The following APBB2 variants were observed in gnomAD, a reference collection of about 807,000 sequenced individuals.
APBB2 encodes the protein amyloid beta precursor protein binding family B member 2, also known as Fe65-like 1.
A neutral mutation model predicts 82.5 loss-of-function variants in APBB2; 38 were observed. The ratio of observed to expected loss-of-function variants is 0.46; its 90% CI spans 0.36 to 0.60. The LOEUF (loss-of-function observed/expected upper bound fraction) is 0.60. Ranked by LOEUF, APBB2 falls within the 20% of genes least tolerant of loss-of-function variation. APBB2 has a pLI of 0.00. For missense variants in APBB2, 772 were observed against 972.3 expected (o/e 0.79, Z 2.74); for synonymous variants, 341 against 368.2 (o/e 0.93, Z 0.85).
At chr4:40,960,079 T>C (rs935713185) in intron 6 of APBB2, among the ~76,000 whole-genome samples, 9 of 152,142 alleles carry the variant, frequency 5.9e-5, no homozygotes, top group African/African-American at 1.9e-4. Flanking sequence ...CGGAGGTAAA[T>C]TGTTCAGCCT....
intron 12 of APBB2, among the ~76,000 whole-genome samples, chr4:40,873,067 G>A (rs1357296884): frequency 7.0e-6 from 1 of 142,016 alleles, no homozygotes; most frequent in Non-Finnish European, 1.5e-5. Flanking sequence ...CAGCCTGGGC[G>A]ACAGAGTGAG....
At chr4:41,173,502 G>A (rs1023934989) in intron 1 of APBB2, among the ~76,000 whole-genome samples, 1 of 152,158 alleles carries the variant, frequency 6.6e-6, no homozygotes, top group African/African-American at 2.4e-5. Flanking sequence ...CTTCAGAGAA[G>A]TACCTGGCTG....
intron 17 of APBB2, among the ~76,000 whole-genome samples, chr4:40,820,777 C>G (rs1354865726): frequency 6.6e-6 from 1 of 152,208 alleles, no homozygotes; most frequent in Non-Finnish European, 1.5e-5. Flanking sequence ...CCGCCATGAT[C>G]TGGACCGCAC....
chr4:41,188,678 T>C (rs1047612979), intron 1 of APBB2, among the ~76,000 whole-genome samples: 2 of 152,190 alleles, frequency 1.3e-5, no homozygotes, highest in Non-Finnish European at 2.9e-5. Flanking sequence ...CTGAACAGAC[T>C]AAAACAGTGC....
chr4:41,151,824 T>C (rs958389165), intron 1 of APBB2, among the ~76,000 whole-genome samples: 1 of 152,038 alleles, frequency 6.6e-6, no homozygotes, highest in Non-Finnish European at 1.5e-5. Flanking sequence ...TATGAATTTT[T>C]TTATTTATAT....
chr4:40,820,102 T>C (rs1747303585), intron 17 of APBB2, among the ~76,000 whole-genome samples: 1 of 152,250 alleles, frequency 6.6e-6, no homozygotes, highest in South Asian at 2.1e-4. Context: ...TCATGCTGAA[T>C]GCCCCAGATT....
At chr4:41,023,070 A>T (rs1203925023) in intron 5 of APBB2, among the ~76,000 whole-genome samples, 1 of 151,616 alleles carries the variant, frequency 6.6e-6, no homozygotes, top group East Asian at 1.9e-4. Context: ...TTCTTACTCA[A>T]CTCTACCGTG....
intron 12 of APBB2, among the ~76,000 whole-genome samples, chr4:40,839,755 C>G (rs62303796): frequency 0.19 from 29,538 of 151,714 alleles, 3,063 homozygotes; most frequent in Admixed American, 0.25. Context: ...ACCTCTGCCT[C>G]CCAGGTTCAA....
At chr4:40,982,786 CA>C (rs3058140) in intron 6 of APBB2, among the ~76,000 whole-genome samples, 14,344 of 145,910 alleles carry the variant, frequency 0.098, 758 homozygotes, top group Admixed American at 0.15. Flanking sequence ...GACCCTGTCT[CA>C]AAAAAAAAAA....
chr4:41,078,320 C>T (rs1252649144), intron 3 of APBB2, among the ~76,000 whole-genome samples: 3 of 152,052 alleles, frequency 2.0e-5, no homozygotes, highest in Non-Finnish European at 4.4e-5. Flanking sequence ...AAGTGGAAAA[C>T]GGCAATGCAA....
At chr4:40,967,482 C>T (rs1397955207) in intron 6 of APBB2, among the ~76,000 whole-genome samples, 1 of 152,200 alleles carries the variant, frequency 6.6e-6, no homozygotes, top group Non-Finnish European at 1.5e-5. Context: ...CTCCAAGCTT[C>T]TGGGCACCGA....
At chr4:41,054,161 G>A (rs1431055060) in intron 4 of APBB2, among the ~76,000 whole-genome samples, 2 of 152,188 alleles carry the variant, frequency 1.3e-5, no homozygotes, top group African/African-American at 4.8e-5. Flanking sequence ...TGACATGAAG[G>A]CTGCTGTACA....
intron 6 of APBB2, among the ~76,000 whole-genome samples, chr4:40,970,462 ACTC>A (rs1250144041): frequency 2.0e-5 from 3 of 146,964 alleles, no homozygotes; most frequent in Admixed American, 6.8e-5. Context: ...ACCTCTCCCC[ACTC>A]CTCCTTTTTT....
Position 40,837,446 on chromosome 4 carries a change from C to T in APBB2, c.1530-6869G>A, listed in dbSNP as rs189618788. Among the ~76,000 whole-genome samples the T allele has an allele frequency of 1.2e-4, 19 of 152,356 alleles. No individual in the cohort carries two copies. In the East Asian group the frequency reaches 3.3e-3, roughly 26 times the overall value. ...GCGCCTCACACAGCCACGCAGGGTC[C>T]AGGCTTCAGCATCTCGTCTGTAAAA... On this transcript the variant is annotated intron_variant, in intron 12 of 17. Coordinates refer to ENST00000508593, the MANE Select transcript of APBB2 (RefSeq NM_004307.2).
intron 1 of APBB2, among the ~76,000 whole-genome samples, chr4:41,205,525 A>T (rs1258781369): frequency 9.2e-5 from 14 of 152,302 alleles, no homozygotes; most frequent in Middle Eastern, 3.4e-3. Context: ...AAGCTATTAA[A>T]AATCTCAAGA....
At chr4:40,838,597 A>G (rs1754807516) in intron 12 of APBB2, among the ~76,000 whole-genome samples, 1 of 152,074 alleles carries the variant, frequency 6.6e-6, no homozygotes. Context: ...GGCCTCTCAA[A>G]GTGCTGGGAT....
At chr4:41,088,072 T>G (rs1161195241) in intron 3 of APBB2, among the ~76,000 whole-genome samples, 2 of 152,176 alleles carry the variant, frequency 1.3e-5, no homozygotes, top group Non-Finnish European at 2.9e-5. Context: ...TATATAGAAT[T>G]CGTGATTGAC....
At chr4:41,022,917 A>T (rs530125940) in intron 5 of APBB2, among the ~76,000 whole-genome samples, 7 of 152,318 alleles carry the variant, frequency 4.6e-5, no homozygotes, top group Admixed American at 1.3e-4. Flanking sequence ...GATATCCTTG[A>T]TATATCAGAG....
intron 2 of APBB2, among the ~76,000 whole-genome samples, chr4:41,141,089 C>G (rs145710989): frequency 6.6e-6 from 1 of 152,268 alleles, no homozygotes; most frequent in East Asian, 1.9e-4. Context: ...TCATACCAAA[C>G]AGGTTGGGGA....
Sources: gnomAD v4.1 joint callset for allele counts (sites outside exome capture counted in the v4.1 genomes callset) on GRCh38, gnomAD v4.1.1 for gene constraint, MANE v1.5 for transcripts, NCBI Gene and HGNC (gene_info 2026-07-23, HGNC 2026-07-21) for gene names.